MACROD2: variants seen among roughly 807,000 people sequenced by gnomAD.
MACROD2 encodes mono-ADP ribosylhydrolase 2, also known as ADP-ribose glycohydrolase MACROD2.
In MACROD2, 36 loss-of-function variants were observed where a neutral mutation model predicts 70.4. The ratio of observed to expected loss-of-function variants is 0.51; its 90% CI spans 0.39 to 0.68. The LOEUF is 0.68. MACROD2 is among the 30% of genes least tolerant of loss of function. The pLI, the probability that MACROD2 is intolerant of heterozygous loss-of-function variation, is 0.00. For synonymous variants in MACROD2, 172 were observed against 178.8 expected (o/e 0.96, Z 0.30); for missense variants, 496 against 538.4 (o/e 0.92, Z 0.78).
At chr20:15,583,047 G>GA (rs143238061) in intron 8 of MACROD2, among the ~76,000 whole-genome samples, 11,642 of 148,548 alleles carry the variant, frequency 0.078, 1,436 homozygotes, top group African/African-American at 0.26. Flanking sequence ...GAGGAGAAGA[G>GA]AAAAAAAAAA....
At chr20:15,863,383 G>A (rs2064451504) in intron 9 of MACROD2, among the ~76,000 whole-genome samples, 1 of 152,142 alleles carries the variant, frequency 6.6e-6, no homozygotes, top group African/African-American at 2.4e-5. Context: ...AGAAACCTCA[G>A]GGTTATTAGA....
chr20:15,155,199 GCCTAATGAGT>G, intron 5 of MACROD2, among the ~76,000 whole-genome samples: 1 of 152,202 alleles, frequency 6.6e-6, no homozygotes, highest in East Asian at 1.9e-4. Flanking sequence ...AATAGATGTT[GCCTAATGAGT>G]ATAATTTGTC....
chr20:14,309,513 C>G (rs918628996), intron 3 of MACROD2, among the ~76,000 whole-genome samples: 1 of 152,078 alleles, frequency 6.6e-6, no homozygotes, highest in Non-Finnish European at 1.5e-5. Context: ...AGTTTTGTGC[C>G]TGTTCCCTCG....
In MACROD2 at chr20:14,838,226, C is replaced by T. The variant is rs1047656419; in HGVS notation, c.418+153267C>T. Among the ~76,000 whole-genome samples, 6 of 152,076 alleles carry T rather than the reference C, an allele frequency of 3.9e-5. No homozygotes were observed. The East Asian group carries it at 9.6e-4, about 24-fold the overall frequency. ...AAATTCAGTGCCCAGAAAGATGTTG[C>T]AAATCAGCTACTATAAAATTAGAAT... On this transcript the variant is annotated intron_variant, in intron 5 of 17. Transcript: ENST00000684519.
At chr20:14,752,719 A>T (rs114689239) in intron 5 of MACROD2, among the ~76,000 whole-genome samples, 3 of 152,232 alleles carry the variant, frequency 2.0e-5, no homozygotes, top group African/African-American at 7.2e-5. Context: ...TCCCTGTCTC[A>T]TGCCATGCTT....
chr20:15,251,145 G>A (rs1011938337), intron 6 of MACROD2, among the ~76,000 whole-genome samples: 1 of 152,172 alleles, frequency 6.6e-6, no homozygotes, highest in Admixed American at 6.5e-5. Context: ...TCCGAAAAAA[G>A]GGGTAGGGGT....
intron 8 of MACROD2, among the ~76,000 whole-genome samples, chr20:15,616,439 C>G (rs190512716): frequency 1.3e-4 from 20 of 152,220 alleles, no homozygotes; most frequent in South Asian, 4.2e-4. Flanking sequence ...ACAGTCATAT[C>G]AAAGAAGAAG....
intron 5 of MACROD2, among the ~76,000 whole-genome samples, chr20:14,790,773 T>C (rs2072441328): frequency 6.6e-6 from 1 of 152,084 alleles, no homozygotes; most frequent in Non-Finnish European, 1.5e-5. Context: ...GGAATGAATT[T>C]GTAAGTGGAG....
At chr20:14,114,051 C>T (rs1172405374) in intron 3 of MACROD2, among the ~76,000 whole-genome samples, 1 of 152,074 alleles carries the variant, frequency 6.6e-6, no homozygotes, top group Non-Finnish European at 1.5e-5. Context: ...TTAAGCATTT[C>T]ATAGCAACAA....
intron 8 of MACROD2, among the ~76,000 whole-genome samples, chr20:15,670,773 T>C (rs2049969536): frequency 1.3e-5 from 2 of 152,118 alleles, no homozygotes; most frequent in South Asian, 4.1e-4. Flanking sequence ...ATCAACATCA[T>C]ATGTATCGAA....
chr20:14,705,923 T>C (rs1198288014), intron 5 of MACROD2, among the ~76,000 whole-genome samples: 3 of 152,176 alleles, frequency 2.0e-5, no homozygotes, highest in African/African-American at 7.2e-5. Flanking sequence ...TTCCTCTCTC[T>C]CTTTTTCTTC....
intron 3 of MACROD2, among the ~76,000 whole-genome samples, chr20:14,443,338 C>T (rs898254175): frequency 6.7e-6 from 1 of 149,794 alleles, no homozygotes; most frequent in African/African-American, 2.5e-5. Flanking sequence ...GCTCTGTCAC[C>T]CAGGCTGGAG....
intron 6 of MACROD2, among the ~76,000 whole-genome samples, chr20:15,293,426 G>A (rs1053145203): frequency 1.3e-5 from 2 of 152,268 alleles, no homozygotes; most frequent in East Asian, 1.9e-4. Context: ...GGAACCTTAT[G>A]TTCCAATCCA....
chr20:16,000,084 T>C (rs1170331269), intron 15 of MACROD2, among the ~76,000 whole-genome samples: 2 of 152,232 alleles, frequency 1.3e-5, no homozygotes, highest in Non-Finnish European at 2.9e-5. Context: ...TATGGGATTA[T>C]ATGAAATAAA....
intron 7 of MACROD2, 90 bp downstream of exon 7, chr20:15,431,525 G>T: frequency 8.1e-7 from 1 of 1,227,066 alleles, no homozygotes; most frequent in Non-Finnish European, 1.2e-6. Flanking sequence ...GTTCTCTGAT[G>T]AATATATTTT....
chr20:15,957,434 T>A (rs1034807934), intron 12 of MACROD2, among the ~76,000 whole-genome samples: 2 of 152,180 alleles, frequency 1.3e-5, no homozygotes, highest in African/African-American at 2.4e-5. Flanking sequence ...GGTTTACCTT[T>A]AAAGTGACCC....
At chr20:15,284,806 A>G (rs931752537) in intron 6 of MACROD2, among the ~76,000 whole-genome samples, 2 of 152,186 alleles carry the variant, frequency 1.3e-5, no homozygotes, top group African/African-American at 2.4e-5. Context: ...GTTAAGCCCC[A>G]TGACTGCCAT....
chr20:15,990,758 G>A (rs910923255), intron 15 of MACROD2, among the ~76,000 whole-genome samples: 4 of 152,178 alleles, frequency 2.6e-5, no homozygotes, highest in South Asian at 2.1e-4. Flanking sequence ...GAGACATAGT[G>A]TACAGACAGC....
intron 3 of MACROD2, among the ~76,000 whole-genome samples, chr20:14,354,630 C>T (rs770954184): frequency 3.9e-5 from 6 of 152,166 alleles, no homozygotes; most frequent in Middle Eastern, 3.4e-3. Context: ...TTTAGATTCA[C>T]GGGTACCTGT....
Sources: gnomAD v4.1 joint callset for allele counts (sites outside exome capture counted in the v4.1 genomes callset) on GRCh38, gnomAD v4.1.1 for gene constraint, MANE v1.5 for transcripts, NCBI Gene and HGNC (gene_info 2026-07-23, HGNC 2026-07-21) for gene names.